CTNNA3: variants seen among roughly 807,000 people sequenced by gnomAD.
CTNNA3 encodes the protein catenin alpha-3.
A neutral mutation model predicts 95.7 loss-of-function variants in CTNNA3; 76 were observed. The ratio of observed to expected loss-of-function variants is 0.79; its 90% CI spans 0.66 to 0.96. The LOEUF (loss-of-function observed/expected upper bound fraction) is 0.96, where lower values mean the gene tolerates loss of function less well. CTNNA3 is among the 40% of genes least tolerant of loss of function. The probability of loss-of-function intolerance (pLI) is 0.00; values close to 1 mark genes in which losing one functional copy is unlikely to be tolerated. For synonymous variants in CTNNA3, 431 were observed against 374.4 expected (o/e 1.15, Z -1.74); for missense variants, 1,191 against 1,089.8 (o/e 1.09, Z -1.31).
At position 66,459,460 on chromosome 10, in the gene CTNNA3, C is replaced by G. The variant is rs1029027592; in HGVS notation, c.1531+61157G>C. Reference sequence around the variant, plus strand: ...AGATAGTAATCTATGATGCTTTTTACAGTGGCTGTACTATTTTTCATTCCC... The same window carrying G: ...AGATAGTAATCTATGATGCTTTTTAGAGTGGCTGTACTATTTTTCATTCCC... On this transcript the variant is annotated intron_variant, in intron 11 of 17. Coordinates refer to ENST00000433211, the MANE Select transcript of CTNNA3 (RefSeq NM_013266.4). 3.3e-5 allele frequency among the ~76,000 whole-genome samples: 5 copies of G among 152,290 alleles called. No homozygotes were observed. In the South Asian group the frequency reaches 1.0e-3, roughly 32 times the overall value.
chr10:67,260,149 G>A (rs959064973), intron 5 of CTNNA3, among the ~76,000 whole-genome samples: 2 of 152,164 alleles, frequency 1.3e-5, no homozygotes, highest in African/African-American at 4.8e-5. Flanking sequence ...CTAAATAAGA[G>A]CCATCATCTG....
chr10:66,236,323 C>T (rs2089853847), intron 13 of CTNNA3, among the ~76,000 whole-genome samples: 2 of 152,102 alleles, frequency 1.3e-5, no homozygotes, highest in Admixed American at 6.5e-5. Context: ...AAGATACAAA[C>T]ATATAGCAAG....
chr10:66,545,945 A>G (rs1323407608), intron 10 of CTNNA3, among the ~76,000 whole-genome samples: 1 of 149,730 alleles, frequency 6.7e-6, no homozygotes, highest in Non-Finnish European at 1.5e-5. Context: ...ATGTATGTAC[A>G]TTATATATTA....
At chr10:66,212,858 G>A (rs1424433668) in intron 13 of CTNNA3, among the ~76,000 whole-genome samples, 2 of 152,082 alleles carry the variant, frequency 1.3e-5, no homozygotes, top group Non-Finnish European at 2.9e-5. Context: ...ACAAAAATTA[G>A]TAGTTTTAGT....
intron 15 of CTNNA3, among the ~76,000 whole-genome samples, chr10:66,026,559 T>A (rs2079342700): frequency 6.6e-6 from 1 of 152,164 alleles, no homozygotes; most frequent in Non-Finnish European, 1.5e-5. Context: ...AATGTCTCAG[T>A]CTAAAATATT....
At chr10:67,092,645 T>C (rs941028291) in intron 7 of CTNNA3, among the ~76,000 whole-genome samples, 1 of 152,000 alleles carries the variant, frequency 6.6e-6, no homozygotes. Flanking sequence ...TTTAAAAAAC[T>C]ATTCTTATCC....
intron 7 of CTNNA3, among the ~76,000 whole-genome samples, chr10:66,953,446 G>A (rs1692445602): frequency 6.6e-6 from 1 of 152,196 alleles, no homozygotes; most frequent in African/African-American, 2.4e-5. Flanking sequence ...TGATCAAATG[G>A]TGATGATTAC....
At chr10:65,940,744 T>C (rs531755634) in intron 17 of CTNNA3, among the ~76,000 whole-genome samples, 1 of 152,326 alleles carries the variant, frequency 6.6e-6, no homozygotes, top group Non-Finnish European at 1.5e-5. Context: ...CCCAGTTAAA[T>C]TTTGGGATTA....
At chr10:66,313,180 A>T (rs1027979283) in intron 12 of CTNNA3, among the ~76,000 whole-genome samples, 2 of 152,148 alleles carry the variant, frequency 1.3e-5, no homozygotes, top group African/African-American at 4.8e-5. Flanking sequence ...TATAGCCTTT[A>T]GTTCTGACAA....
intron 10 of CTNNA3, among the ~76,000 whole-genome samples, chr10:66,540,536 GA>G (rs758591621): frequency 3.0e-4 from 46 of 152,108 alleles, no homozygotes; most frequent in Non-Finnish European, 2.9e-5. Flanking sequence ...TGGATGTCCT[GA>G]AGTGCAGAAA....
At chr10:67,258,913 C>A (rs1276380889) in intron 5 of CTNNA3, among the ~76,000 whole-genome samples, 1 of 152,156 alleles carries the variant, frequency 6.6e-6, no homozygotes, top group Non-Finnish European at 1.5e-5. Context: ...TATAAAATAG[C>A]ATAGTATTTG....
Position 66,058,328 on chromosome 10 carries a change from C to G in CTNNA3, c.2159+10980G>C, listed in dbSNP as rs557214121. Among the ~76,000 whole-genome samples, 90 of 152,126 alleles carry G rather than the reference C, an allele frequency of 5.9e-4. 1 individual carries two copies. Among genetic ancestry groups the G allele is most frequent in the Admixed American group, 5.9e-3 (90 of 15,260 alleles). On this transcript the variant is annotated intron_variant, in intron 15 of 17. Transcript: ENST00000433211. The stretch of plus-strand genomic sequence containing the variant: ...TCTCAGGGTTGTATCTTAGAAAAGA[C>G]AGCGGGGGCAGAAATGCTTTGTAAA...
At chr10:66,563,656 A>G (rs1842619913) in intron 10 of CTNNA3, among the ~76,000 whole-genome samples, 1 of 152,056 alleles carries the variant, frequency 6.6e-6, no homozygotes, top group Admixed American at 6.6e-5. Flanking sequence ...TTACAAAGAT[A>G]AAAGGTCTAC....
chr10:67,147,187 A>G (rs1860889248), intron 7 of CTNNA3, among the ~76,000 whole-genome samples: 1 of 152,228 alleles, frequency 6.6e-6, no homozygotes, highest in Admixed American at 6.5e-5. Context: ...TGCAATTTGT[A>G]GTCTTTTAAA....
chr10:66,313,035 C>T (rs546315986), intron 12 of CTNNA3, among the ~76,000 whole-genome samples: 83 of 152,116 alleles, frequency 5.5e-4, no homozygotes, highest in Non-Finnish European at 9.1e-4. Context: ...CATTACCGGA[C>T]GAAGGAAAAG....
At chr10:67,258,845 G>C (rs1866465093) in intron 5 of CTNNA3, among the ~76,000 whole-genome samples, 1 of 152,100 alleles carries the variant, frequency 6.6e-6, no homozygotes, top group East Asian at 1.9e-4. Context: ...TCGTACCAGA[G>C]GGCATTGGTT....
At chr10:66,711,258 C>A (rs77682454) in intron 9 of CTNNA3, among the ~76,000 whole-genome samples, 3,755 of 117,364 alleles carry the variant, frequency 0.032, no homozygotes, top group Middle Eastern at 0.05. Flanking sequence ...GAACAAGAAA[C>A]AAAAAAAAAA....
At chr10:66,766,467 T>C in intron 8 of CTNNA3, 51 bp from the exon 9 acceptor site, 5 of 1,500,828 alleles carry the variant, frequency 3.3e-6, no homozygotes, top group Non-Finnish European at 9.1e-7. Flanking sequence ...AATAGTTCAC[T>C]GTGTTTCCTT....
chr10:66,499,993 G>T (rs1840225007), intron 11 of CTNNA3, among the ~76,000 whole-genome samples: 1 of 151,880 alleles, frequency 6.6e-6, no homozygotes, highest in African/African-American at 2.4e-5. Flanking sequence ...AGTAGAGATG[G>T]GGTTTCACCA....
Sources: gnomAD v4.1 joint callset for allele counts (sites outside exome capture counted in the v4.1 genomes callset) on GRCh38, gnomAD v4.1.1 for gene constraint, MANE v1.5 for transcripts, NCBI Gene and HGNC (gene_info 2026-07-23, HGNC 2026-07-21) for gene names.